The following IQGAP1 variants were observed in gnomAD, a reference collection of about 807,000 sequenced individuals.
IQGAP1 encodes IQ motif containing GTPase activating protein 1, also known as ras GTPase-activating-like protein IQGAP1.
In IQGAP1, 66 loss-of-function variants were observed where a neutral mutation model predicts 215.6. That is an observed-to-expected ratio of 0.31 (90% CI 0.25 to 0.38). IQGAP1 has a LOEUF of 0.38. IQGAP1 is among the 10% of genes least tolerant of loss of function. The probability of loss-of-function intolerance (pLI) is 1.00; values close to 1 mark genes in which losing one functional copy is unlikely to be tolerated. For missense variants in IQGAP1, 1,712 were observed against 1,997.1 expected (o/e 0.86, Z 2.72); for synonymous variants, 772 against 728.7 (o/e 1.06, Z -0.96).
chr15:90,477,848 A>G lies in IQGAP1; in HGVS notation c.3288A>G (p.Lys1096=), dbSNP rs989772772. The G allele has an allele frequency of 2.5e-6, 4 of 1,613,840 alleles. No individual in the cohort carries two copies. The highest frequency in any genetic ancestry group is 2.7e-5 in the African/African-American group (2 of 74,906). Residue 1096 remains lysine, a synonymous_variant, in exon 26 of 38, where the codon AAA becomes AAG. Coordinates refer to ENST00000268182, the MANE Select transcript of IQGAP1 (RefSeq NM_003870.4). ...NIKTDPVDIY[K]SWVNQMESQT... ...AAACTGACCCTGTGGATATTTACAA[A>G]TCTTGGGTTAATCAGATGGAGTCTC...
chr15:90,420,284 G>A (rs1034357608), intron 2 of IQGAP1, among the ~76,000 whole-genome samples: 5 of 152,068 alleles, frequency 3.3e-5, no homozygotes, highest in African/African-American at 1.2e-4. Flanking sequence ...CTGGTCAAGT[G>A]GCTTGCTGTC....
At position 90,467,572 on chromosome 15, in the gene IQGAP1, C is replaced by T. The variant is rs771049690; in HGVS notation, c.2158C>T (p.Leu720Phe). The change falls in exon 18 of 38, where the codon CTT becomes TTT. Residue 720 changes from leucine to phenylalanine, a missense_variant. Around this residue, in one of 2 missense-constraint regions of IQGAP1, gnomAD observed 1,021 missense variants for 1,074.2 expected, o/e 0.95. Coordinates refer to ENST00000268182, the MANE Select transcript of IQGAP1 (RefSeq NM_003870.4). ...PPNFVQNSMQ[L>F]SREEIQSSIS... is the part of the protein sequence containing the mutation. ...AAATTTTGTGCAAAATTCTATGCAGCTTTCTCGGGAGGAGATCCAGGTAGG... is the reference window on the plus strand; with the variant it reads ...AAATTTTGTGCAAAATTCTATGCAGTTTTCTCGGGAGGAGATCCAGGTAGG... The T allele has an allele frequency of 2.7e-5, 43 of 1,611,098 alleles. No homozygotes were observed. The highest frequency in any genetic ancestry group is 3.4e-5 in the Non-Finnish European group (40 of 1,179,018).
In IQGAP1 at chr15:90,466,417, G is replaced by T; in HGVS notation, c.2016G>T (p.Lys672Asn). The change falls in exon 17 of 38, where the codon AAG (lysine) becomes AAT (asparagine). Residue 672 changes from lysine to asparagine, a missense_variant. By Grantham distance (94) the Lys-to-Asn change is moderately conservative. Coordinates refer to ENST00000268182, the MANE Select transcript of IQGAP1 (RefSeq NM_003870.4). The stretch of plus-strand genomic sequence containing the variant: ...ACCACAGTGATCTTGCTGAAGCCAA[G>T]AAGAAAAAACTGGCAGTAGGTGAGT... ...ETYHSDLAEA[K>N]KKKLAVGDNN... The T allele has an allele frequency of 6.2e-7, 1 of 1,614,092 alleles. No homozygotes were observed. The highest frequency in any genetic ancestry group is 1.1e-5 in the South Asian group (1 of 91,078).
At chr15:90,497,989 C>T (rs890426822) in intron 37 of IQGAP1, among the ~76,000 whole-genome samples, 2 of 152,080 alleles carry the variant, frequency 1.3e-5, no homozygotes, top group African/African-American at 2.4e-5. Context: ...CCTGCCAGCC[C>T]GGGCAGGTGC....
intron 2 of IQGAP1, among the ~76,000 whole-genome samples, chr15:90,424,989 CAG>C (rs1965199992): frequency 6.6e-6 from 1 of 152,012 alleles, no homozygotes. Flanking sequence ...TCGATATTCA[CAG>C]GATTCTGTGG....
At chr15:90,482,151 C>T (rs1268855360) in intron 27 of IQGAP1, 46 bp from the exon 28 acceptor site, 4 of 1,614,138 alleles carry the variant, frequency 2.5e-6, no homozygotes, top group Non-Finnish European at 3.4e-6. Flanking sequence ...CACTAAGTGC[C>T]TTTCTGCTCC....
rs16944409 is a variant in IQGAP1 at position 90,433,291 on chromosome 15, T to G, written c.391-428T>G. The stretch of plus-strand genomic sequence containing the variant: ...ACTAAAGCACTTAGTAAATGTTCAT[T>G]GTTGAGTTGTTTCTCCATCTAGGCA... On this transcript the variant is annotated intron_variant, in intron 4 of 37. Transcript: ENST00000268182. Among the ~76,000 whole-genome samples the G allele has an allele frequency of 6.4e-3, 976 of 152,290 alleles. 11 individuals are homozygous for G. Among genetic ancestry groups the G allele is most frequent in the African/African-American group, 0.023 (943 of 41,558 alleles).
intron 18 of IQGAP1, among the ~76,000 whole-genome samples, chr15:90,472,161 A>G (rs1423832934): frequency 6.6e-6 from 1 of 152,226 alleles, no homozygotes; most frequent in African/African-American, 2.4e-5. Flanking sequence ...TTGTAGCCCC[A>G]GCTACTCAGG....
At chr15:90,448,488 C>T in intron 9 of IQGAP1, 85 bp from the exon 10 acceptor site, 1 of 1,196,438 alleles carries the variant, frequency 8.4e-7, no homozygotes, top group Non-Finnish European at 1.1e-6. Flanking sequence ...TTATCTGGAA[C>T]TGAGATTGGT....
At chr15:90,460,024 G>T (rs1291763095) in intron 15 of IQGAP1, among the ~76,000 whole-genome samples, 2 of 149,106 alleles carry the variant, frequency 1.3e-5, no homozygotes, top group African/African-American at 2.5e-5. Context: ...TTGTGTGGGG[G>T]ATATTTTTTG....
chr15:90,413,232 G>T (rs753046548), intron 2 of IQGAP1, among the ~76,000 whole-genome samples: 1 of 152,106 alleles, frequency 6.6e-6, no homozygotes, highest in Non-Finnish European at 1.5e-5. Context: ...CCACACTCAT[G>T]TGTACATACA....
intron 35 of IQGAP1, 53 bp downstream of exon 35, chr15:90,492,764 A>G: frequency 6.8e-7 from 1 of 1,470,814 alleles, no homozygotes; most frequent in East Asian, 2.3e-5. Flanking sequence ...GTGAGGAAAA[A>G]GCAGAGGCAA....
intron 5 of IQGAP1, among the ~76,000 whole-genome samples, chr15:90,434,497 TAGTA>T (rs1965345025): frequency 6.6e-6 from 1 of 152,012 alleles, no homozygotes. Flanking sequence ...ACAAACATGA[TAGTA>T]AGAAATGATA....
chr15:90,476,609 C>T (rs543627674), intron 23 of IQGAP1, 54 bp from the exon 24 acceptor site: 12 of 1,400,564 alleles, frequency 8.6e-6, no homozygotes, highest in Non-Finnish European at 1.2e-5. Flanking sequence ...TCCTCAATGC[C>T]CAGAGGTTCA....
In IQGAP1 at chr15:90,440,523, A is replaced by C; in HGVS notation, c.557A>C (p.Lys186Thr). The change falls in exon 7 of 38, where the codon AAG (lysine) becomes ACG (threonine). Residue 186 changes from lysine to threonine, a missense_variant. Around this residue, in one of 2 missense-constraint regions of IQGAP1, gnomAD observed 1,021 missense variants for 1,074.2 expected, o/e 0.95. Transcript: ENST00000268182. Reference protein sequence around the residue: ...DFTEEEINNMKTELEKYGIQM... With the variant: ...DFTEEEINNMTTELEKYGIQM... ...GTAGAAGAAGAAATCAACAACATGAAGACTGAGTTGGAGAAGTATGGCATC... is the reference window on the plus strand; with the variant it reads ...GTAGAAGAAGAAATCAACAACATGACGACTGAGTTGGAGAAGTATGGCATC... 1 of 1,565,794 alleles carries C rather than the reference A, an allele frequency of 6.4e-7. No homozygotes were observed. Among genetic ancestry groups the C allele is most frequent in the Non-Finnish European group, 8.7e-7 (1 of 1,153,330 alleles).
chr15:90,402,401 C>T (rs1333870173), intron 2 of IQGAP1, among the ~76,000 whole-genome samples: 3 of 152,134 alleles, frequency 2.0e-5, no homozygotes, highest in Non-Finnish European at 4.4e-5. Context: ...GGAGGAGAGG[C>T]CTGTCTAAAA....
At position 90,466,405 on chromosome 15, in the gene IQGAP1, T is replaced by C. The variant is rs1279200535; in HGVS notation, c.2004T>C (p.Leu668=). 3 of 1,614,012 alleles carry C rather than the reference T, an allele frequency of 1.9e-6. No homozygotes were observed. ...PECGETYHSD[L]AEAKKKKLAV... ...GTGGTGAAACTTACCACAGTGATCT[T>C]GCTGAAGCCAAGAAGAAAAAACTGG... Residue 668 remains leucine (L), a synonymous_variant, in exon 17 of 38, where the codon CTT becomes CTC. Coordinates refer to ENST00000268182, the MANE Select transcript of IQGAP1 (RefSeq NM_003870.4).
chr15:90,495,375 T>A (rs1567145544), intron 36 of IQGAP1, among the ~76,000 whole-genome samples: 2 of 145,998 alleles, frequency 1.4e-5, no homozygotes, highest in African/African-American at 4.9e-5. Flanking sequence ...TTTGTCTGTT[T>A]AGGGGGGGAA....
At chr15:90,496,170 ACTT>A (rs1966270079) in intron 36 of IQGAP1, among the ~76,000 whole-genome samples, 1 of 151,718 alleles carries the variant, frequency 6.6e-6, no homozygotes, top group South Asian at 2.1e-4. Context: ...GGTTTTTGTG[ACTT>A]CTTTAACTCT....
Sources: allele counts gnomAD v4.1 joint callset (sites outside exome capture counted in the v4.1 genomes callset), GRCh38; gene constraint gnomAD v4.1.1; regional missense constraint gnomAD v4.1.1; transcripts MANE v1.5; gene names NCBI Gene and HGNC (gene_info 2026-07-23, HGNC 2026-07-21).